Variants in PCDH7 observed in about 807,000 individuals in gnomAD.
The protein encoded by PCDH7 is protocadherin-7.
PCDH7 carries 17 observed loss-of-function variants against 58.9 expected under a neutral mutation model. The ratio of observed to expected loss-of-function variants is 0.29; its 90% CI spans 0.20 to 0.43. The LOEUF is 0.43. PCDH7 is among the 20% of genes least tolerant of loss of function. The pLI, the probability that PCDH7 is intolerant of heterozygous loss-of-function variation, is 1.00. For synonymous variants in PCDH7, 664 were observed against 616.4 expected (o/e 1.08, Z -1.14); for missense variants, 1,274 against 1,441.0 (o/e 0.88, Z 1.88).
At chr4:30,986,378 A>G (rs116283677) in intron 3 of PCDH7, among the ~76,000 whole-genome samples, 2,423 of 152,280 alleles carry the variant, frequency 0.016, 27 homozygotes, top group Non-Finnish European at 0.025. Flanking sequence ...GATGGTTTGT[A>G]GCTATGAGTG....
chr4:31,067,027 A>T (rs1758146497), intron 3 of PCDH7, among the ~76,000 whole-genome samples: 1 of 151,994 alleles, frequency 6.6e-6, no homozygotes, highest in African/African-American at 2.4e-5. Flanking sequence ...TGGCATGAGG[A>T]ATAGGAGGCC....
chr4:31,053,176 G>A (rs767737621), intron 3 of PCDH7, among the ~76,000 whole-genome samples: 25 of 151,730 alleles, frequency 1.6e-4, no homozygotes, highest in Admixed American at 1.5e-3. Flanking sequence ...CCTCTACCTC[G>A]CCTCACTTCC....
chr4:31,055,164 T>G (rs1757049828), intron 3 of PCDH7, among the ~76,000 whole-genome samples: 1 of 152,188 alleles, frequency 6.6e-6, no homozygotes, highest in South Asian at 2.1e-4. Flanking sequence ...TGATATTTTT[T>G]TATTTATGTC....
intron 1 of PCDH7, among the ~76,000 whole-genome samples, chr4:30,779,129 T>C (rs1722468298): frequency 6.6e-6 from 1 of 150,596 alleles, no homozygotes; most frequent in African/African-American, 2.4e-5. Flanking sequence ...GAAGCGATTC[T>C]CCTGCCTCAG....
intron 3 of PCDH7, among the ~76,000 whole-genome samples, chr4:30,970,619 C>A (rs751554278): frequency 6.6e-6 from 1 of 152,106 alleles, no homozygotes; most frequent in Non-Finnish European, 1.5e-5. Flanking sequence ...ATATCAGACA[C>A]TTTTTTCTTT....
chr4:31,052,377 T>C (rs1426635463), intron 3 of PCDH7, among the ~76,000 whole-genome samples: 3 of 152,170 alleles, frequency 2.0e-5, no homozygotes, highest in Non-Finnish European at 4.4e-5. Flanking sequence ...TGTATCACCA[T>C]ACTATTGAAC....
intron 1 of PCDH7, among the ~76,000 whole-genome samples, chr4:30,837,598 G>A (rs1277436778): frequency 6.6e-6 from 1 of 151,908 alleles, no homozygotes; most frequent in Admixed American, 6.6e-5. Context: ...AGTGTTTGAG[G>A]GAGGATGGGC....
In PCDH7 at chr4:30,721,973, A is replaced by G; in HGVS notation, c.551A>G (p.Gln184Arg). 1 of 1,355,436 alleles carries G rather than the reference A, an allele frequency of 7.4e-7. No homozygotes were observed. The highest frequency in any genetic ancestry group is 9.5e-7 in the Non-Finnish European group (1 of 1,055,374). 84.0% of individuals were successfully genotyped at this position (1,355,436 alleles called of 1,614,324 possible). ...GGCATCGAGCGCTACGAGCTGCTCC[A>G]GGAGCCCGGAGGCGGCGGCAGCGGC... Residue 184 changes from glutamine to arginine, a missense_variant, in exon 1 of 2, where the codon CAG becomes CGG. By Grantham distance (43) the Gln-to-Arg change is conservative. Transcript: ENST00000361762. The surrounding 1 kb of genome is among the most constrained non-coding windows in gnomAD (Gnocchi z 6.7).
At chr4:30,931,822 A>G (rs74611427) in intron 2 of PCDH7, among the ~76,000 whole-genome samples, 1 of 68,688 alleles carries the variant, frequency 1.5e-5, no homozygotes. Flanking sequence ...ATTTTTCAGG[A>G]CTTTTTTTTT....
intron 1 of PCDH7, among the ~76,000 whole-genome samples, chr4:30,902,876 A>G (rs1199049528): frequency 6.6e-6 from 1 of 152,162 alleles, no homozygotes; most frequent in Admixed American, 6.6e-5. Context: ...CTCCTGTTTA[A>G]AAATATCCCT....
At chr4:30,929,090 C>G (rs1361453249) in intron 2 of PCDH7, among the ~76,000 whole-genome samples, 1 of 152,044 alleles carries the variant, frequency 6.6e-6, no homozygotes, top group Non-Finnish European at 1.5e-5. Flanking sequence ...TAAGGCCTTT[C>G]AAACTCAATA....
At chr4:30,926,010 G>T (rs1743821253) in intron 2 of PCDH7, 1 of 152,066 alleles carries the variant, frequency 6.6e-6, no homozygotes. Flanking sequence ...ACCCCTCTTA[G>T]CTTCAGTTTG....
At position 30,759,733 on chromosome 4, in the gene PCDH7, A is replaced by T. The variant is rs187662972; in HGVS notation, c.70+35137A>T. ...TATAACAAAATCTTTCATTAAATGA[A>T]AGATTCATATAAATGAAATCTTTAT... On this transcript the variant is annotated intron_variant, in intron 1 of 3. Transcript: ENST00000509759. Among the ~76,000 whole-genome samples, 9 of 152,318 alleles carry T rather than the reference A, an allele frequency of 5.9e-5. No individual in the cohort carries two copies. In the East Asian group the frequency reaches 1.7e-3, roughly 29 times the overall value.
intron 1 of PCDH7, among the ~76,000 whole-genome samples, chr4:30,783,472 C>A (rs1550896): frequency 0.4 from 60,526 of 151,838 alleles, 13,059 homozygotes; most frequent in African/African-American, 0.57. Context: ...TATATGCAAA[C>A]ACATTCAACA....
chr4:31,079,721 A>G (rs1042882652), intron 3 of PCDH7, among the ~76,000 whole-genome samples: 1 of 152,098 alleles, frequency 6.6e-6, no homozygotes, highest in Non-Finnish European at 1.5e-5. Flanking sequence ...GCTCTCATGC[A>G]TGAGCACATT....
At chr4:30,819,972 T>C (rs181858282) in intron 1 of PCDH7, among the ~76,000 whole-genome samples, 3 of 152,254 alleles carry the variant, frequency 2.0e-5, no homozygotes, top group East Asian at 1.9e-4. Context: ...AATATGTTAA[T>C]AGAGTCTTGA....
chr4:30,724,002 A>C, exon 1 of PCDH7: 1 of 1,614,024 alleles, frequency 6.2e-7, no homozygotes, highest in Non-Finnish European at 8.5e-7. Context: ...TGCACATCCC[A>C]CTCACCCAGG....
intron 1 of PCDH7, among the ~76,000 whole-genome samples, chr4:30,830,056 CTTTG>C (rs1394422691): frequency 6.6e-6 from 1 of 152,050 alleles, no homozygotes; most frequent in African/African-American, 2.4e-5. Flanking sequence ...TTTTATTGCT[CTTTG>C]TTTAATAGCA....
chr4:31,120,760 G>T (rs573664836), intron 3 of PCDH7, among the ~76,000 whole-genome samples: 23 of 152,020 alleles, frequency 1.5e-4, no homozygotes, highest in Non-Finnish European at 2.9e-4. Flanking sequence ...TTACTCCGGG[G>T]GCCCTAGTTT....
Sources: allele counts gnomAD v4.1 joint callset (sites outside exome capture counted in the v4.1 genomes callset), GRCh38; gene constraint gnomAD v4.1.1; non-coding constraint Gnocchi (gnomAD v3.1); transcripts MANE v1.5; gene names NCBI Gene and HGNC (gene_info 2026-07-23, HGNC 2026-07-21).